KCNIP4: variants seen among roughly 807,000 people sequenced by gnomAD.
KCNIP4 encodes the protein potassium voltage-gated channel interacting protein 4, also known as Kv channel-interacting protein 4.
A neutral mutation model predicts 34.0 loss-of-function variants in KCNIP4; 12 were observed. That is an observed-to-expected ratio of 0.35 (90% confidence interval 0.23 to 0.57). KCNIP4 has a LOEUF of 0.57. Among genes scored for constraint, KCNIP4 ranks in the 20% least tolerant of loss-of-function variants. The pLI is 0.83. For synonymous variants in KCNIP4, 124 were observed against 102.2 expected, an observed-to-expected ratio of 1.21 and a Z score of -1.29; for missense variants, 238 against 311.7, an observed-to-expected ratio of 0.76 and a Z score of 1.78.
chr4:20,801,166 C>A (rs1456964806), intron 3 of KCNIP4, among the ~76,000 whole-genome samples: 3 of 151,884 alleles, frequency 2.0e-5, no homozygotes, highest in Admixed American at 6.6e-5. Context: ...TCAGCTATGG[C>A]TGTTATACCC....
At chr4:20,832,726 TA>T (rs34577392) in intron 3 of KCNIP4, among the ~76,000 whole-genome samples, 32,143 of 141,848 alleles carry the variant, frequency 0.23, 3,653 homozygotes, top group South Asian at 0.42. Flanking sequence ...GCTTTTTATT[TA>T]AAAAAAAAAA....
At chr4:21,469,246 A>G (rs1455449831) in intron 1 of KCNIP4, among the ~76,000 whole-genome samples, 1 of 151,802 alleles carries the variant, frequency 6.6e-6, no homozygotes, top group Non-Finnish European at 1.5e-5. Context: ...TTCCCCCACC[A>G]TATTACCCAG....
intron 1 of KCNIP4, among the ~76,000 whole-genome samples, chr4:21,650,646 T>C (rs976866783): frequency 2.6e-5 from 4 of 152,174 alleles, no homozygotes; most frequent in African/African-American, 7.2e-5. Context: ...ATATTAGCTG[T>C]CTACTGCTGC....
intron 3 of KCNIP4, among the ~76,000 whole-genome samples, chr4:20,808,837 C>T (rs1201563822): frequency 2.0e-5 from 3 of 152,166 alleles, no homozygotes; most frequent in East Asian, 3.8e-4. Context: ...AGCCACTCTC[C>T]CCCATCTCCA....
intron 1 of KCNIP4, among the ~76,000 whole-genome samples, chr4:21,596,747 A>G (rs1477430545): frequency 6.6e-6 from 1 of 152,050 alleles, no homozygotes; most frequent in Non-Finnish European, 1.5e-5. Context: ...GCTTAGTACA[A>G]ATGCGTCTTC....
chr4:21,519,479 T>C lies in KCNIP4; in HGVS notation c.61+429092A>G, dbSNP rs201072061. ...ACACATATGTGTGTATGTGTATGTG[T>C]ATATACACATATGTGTGTATGTGTA... On this transcript the variant is annotated intron_variant, in intron 1 of 8. Transcript: ENST00000382152. 4.2e-3 allele frequency among the ~76,000 whole-genome samples: 295 copies of C among 69,462 alleles called. 9 individuals carry two copies. The highest frequency in any genetic ancestry group is 7.8e-3 in the East Asian group (15 of 1,926). The allele number at this position is 69,462 out of a possible 152,430, so 45.6% of individuals were successfully genotyped here.
At chr4:21,908,303 A>G (rs1728109720) in intron 1 of KCNIP4, among the ~76,000 whole-genome samples, 2 of 151,904 alleles carry the variant, frequency 1.3e-5, no homozygotes, top group African/African-American at 2.4e-5. Flanking sequence ...TATTGCTCCA[A>G]GAGGCAACAT....
intron 2 of KCNIP4, among the ~76,000 whole-genome samples, chr4:20,853,390 G>T (rs1721239856): frequency 6.6e-6 from 1 of 152,132 alleles, no homozygotes; most frequent in Non-Finnish European, 1.5e-5. Flanking sequence ...CAGAGTGGGG[G>T]AAAGGACACC....
intron 3 of KCNIP4, among the ~76,000 whole-genome samples, chr4:20,838,389 A>C (rs182425603): frequency 2.0e-4 from 30 of 152,290 alleles, no homozygotes; most frequent in Non-Finnish European, 7.4e-5. Flanking sequence ...TTAACCAGAA[A>C]AATTCAGGAG....
intron 1 of KCNIP4, among the ~76,000 whole-genome samples, chr4:21,541,501 G>A (rs1299292450): frequency 6.6e-6 from 1 of 152,156 alleles, no homozygotes; most frequent in Admixed American, 6.5e-5. Context: ...TTTAAGGAAC[G>A]CTGTGCCACC....
At chr4:21,747,889 TA>T (rs141783334) in intron 1 of KCNIP4, among the ~76,000 whole-genome samples, 1,843 of 152,218 alleles carry the variant, frequency 0.012, 35 homozygotes, top group African/African-American at 0.042. Context: ...AAAGTGTTTT[TA>T]CAAGACGCAA....
intron 1 of KCNIP4, among the ~76,000 whole-genome samples, chr4:21,856,696 C>CA (rs1398549072): frequency 6.6e-6 from 1 of 152,174 alleles, no homozygotes; most frequent in Non-Finnish European, 1.5e-5. Context: ...CATCTCTGCA[C>CA]TCTCAGGAGC....
chr4:21,884,324 T>C (rs1726635146), intron 1 of KCNIP4, among the ~76,000 whole-genome samples: 1 of 151,958 alleles, frequency 6.6e-6, no homozygotes, highest in African/African-American at 2.4e-5. Flanking sequence ...GGCCACTCAG[T>C]TCTGAGTGCT....
intron 1 of KCNIP4, among the ~76,000 whole-genome samples, chr4:21,726,456 C>G (rs1715200291): frequency 1.3e-5 from 2 of 152,088 alleles, no homozygotes; most frequent in Non-Finnish European, 2.9e-5. Flanking sequence ...TAATTTTTCC[C>G]TAACTATGGG....
At chr4:21,075,190 C>G (rs543391344) in intron 1 of KCNIP4, among the ~76,000 whole-genome samples, 11 of 152,224 alleles carry the variant, frequency 7.2e-5, no homozygotes, top group African/African-American at 2.4e-4. Flanking sequence ...TCCTGGATAT[C>G]TTTGTTAACT....
chr4:20,838,645 T>C (rs1195528585), intron 3 of KCNIP4, among the ~76,000 whole-genome samples: 1 of 152,166 alleles, frequency 6.6e-6, no homozygotes. Context: ...CCTCAGGATC[T>C]GAACATGACA....
chr4:21,221,606 C>G (rs910042806), intron 1 of KCNIP4, among the ~76,000 whole-genome samples: 8 of 152,142 alleles, frequency 5.3e-5, no homozygotes. Context: ...TCCACCTGGT[C>G]TCTCCCTTGA....
intron 3 of KCNIP4, among the ~76,000 whole-genome samples, chr4:20,842,637 T>G (rs963917021): frequency 7.1e-6 from 1 of 140,006 alleles, no homozygotes; most frequent in Non-Finnish European, 1.5e-5. Flanking sequence ...AAGTAGGAAC[T>G]GACTGGTTTC....
chr4:21,887,053 G>A (rs1726812922), intron 1 of KCNIP4, among the ~76,000 whole-genome samples: 1 of 152,044 alleles, frequency 6.6e-6, no homozygotes, highest in African/African-American at 2.4e-5. Flanking sequence ...CAAAGATAAA[G>A]TACAAATTTT....
Sources: gnomAD v4.1 joint callset for allele counts (sites outside exome capture counted in the v4.1 genomes callset) on GRCh38, gnomAD v4.1.1 for gene constraint, MANE v1.5 for transcripts, NCBI Gene and HGNC (gene_info 2026-07-23, HGNC 2026-07-21) for gene names.